The following STARD3 variants were observed in gnomAD, a reference collection of about 807,000 sequenced individuals.
STARD3 encodes stAR-related lipid transfer protein 3.
In STARD3, 39 loss-of-function variants were observed where a neutral mutation model predicts 62.0. The observed-to-expected ratio is 0.63, with a 90% CI of 0.49 to 0.82. The LOEUF is 0.82. STARD3 is among the 40% of genes least tolerant of loss of function. The pLI, the probability that STARD3 is intolerant of heterozygous loss-of-function variation, is 0.00. For missense variants in STARD3, 543 were observed against 584.5 expected, an observed-to-expected ratio of 0.93 and a Z score of 0.73; for synonymous variants, 229 against 242.4, an observed-to-expected ratio of 0.94 and a Z score of 0.51.
intron 1 of STARD3, chr17:39,651,758 C>T (rs377685160): frequency 8.5e-5 from 13 of 152,272 alleles, no homozygotes; most frequent in Admixed American, 4.6e-4. Flanking sequence ...TTAGTAGAGA[C>T]GGGTTTCACT....
rs751381330 is a variant in STARD3 at position 39,662,811 on chromosome 17, T to A, written c.1241T>A (p.Leu414Gln). The A allele has an allele frequency of 1.2e-6, 2 of 1,609,056 alleles. No individual in the cohort carries two copies. The highest frequency in any genetic ancestry group is 2.3e-5 in the East Asian group (1 of 44,172). ...CTGCCTGCCTTCCCCCAGGGCCGCC[T>A]GCCCCGGTACCTCATCCACCAGAGC... ...WILNTDLKGR[L>Q]PRYLIHQSLA... The change falls in exon 15 of 15, where the codon CTG becomes CAG. Residue 414 changes from leucine to glutamine, a missense_variant. Coordinates refer to ENST00000336308, the MANE Select transcript of STARD3 (RefSeq NM_006804.4).
In STARD3 at chr17:39,662,952, A is replaced by G. The variant is rs192495661; in HGVS notation, c.*44A>G. ...TGCGGGCCAGGGTCCTGTCGCCACC[A>G]CTTCCAGAGCCAGAAAGGGTGCCAG... On this transcript the variant is annotated 3_prime_UTR_variant, in exon 15 of 15. Transcript: ENST00000336308. The G allele has an allele frequency of 3.5e-5, 54 of 1,560,850 alleles. No homozygotes were observed. The highest frequency in any genetic ancestry group is 4.6e-5 in the Non-Finnish European group (53 of 1,148,964).
At chr17:39,653,801 C>A (rs772420354) in intron 2 of STARD3, 51 bp downstream of exon 2, 2 of 1,604,408 alleles carry the variant, frequency 1.2e-6, no homozygotes, top group East Asian at 4.5e-5. Context: ...CCACCCGGGC[C>A]TCAGTTTGTC....
In STARD3 at chr17:39,659,466, G is replaced by T. The variant is rs764396002; in HGVS notation, c.708G>T (p.Arg236=). The T allele has an allele frequency of 7.4e-6, 12 of 1,614,114 alleles. No individual in the cohort carries two copies. The highest frequency in any genetic ancestry group is 1.0e-5 in the Non-Finnish European group (12 of 1,180,018). Residue 236 remains arginine, a synonymous_variant, in exon 9 of 15, where the codon CGG becomes CGT. Coordinates refer to ENST00000336308, the MANE Select transcript of STARD3 (RefSeq NM_006804.4). ...AGKKSFSAQE[R]EYIRQGKEAT... is the part of the protein sequence containing the mutation. ...TGCCTCCTGCTTCCGTCCAGGAGCG[G>T]GAGTACATCCGCCAGGGGAAGGAGG...
intron 2 of STARD3, among the ~76,000 whole-genome samples, chr17:39,656,327 G>A (rs1238191538): frequency 2.0e-5 from 3 of 152,100 alleles, no homozygotes; most frequent in African/African-American, 7.2e-5. Context: ...CGTCACCCCC[G>A]TCATTCCAAG....
chr17:39,663,308 G>T lies in STARD3; in HGVS notation c.*400G>T, dbSNP rs888698301. The T allele has an allele frequency of 5.3e-6, 2 of 377,034 alleles. No homozygotes were observed. Among genetic ancestry groups the T allele is most frequent in the Non-Finnish European group, 4.7e-6 (1 of 212,706 alleles). 23.4% of individuals were successfully genotyped at this position (377,034 alleles called of 1,614,324 possible). A position where few individuals can be genotyped will look rare whatever the true frequency, so the allele number is the denominator to read the frequency against. On this transcript the variant is annotated 3_prime_UTR_variant, in exon 15 of 15. Coordinates refer to ENST00000336308, the MANE Select transcript of STARD3 (RefSeq NM_006804.4). ...TCTTCATCTGCCTGCGCTCTCGTCG[G>T]TTTTTTTAGGATTATTGAAAGAGTC... is the stretch of plus-strand genomic sequence containing the variant.
intron 1 of STARD3, among the ~76,000 whole-genome samples, chr17:39,647,011 C>A (rs1334264294): frequency 6.6e-6 from 1 of 152,218 alleles, no homozygotes; most frequent in African/African-American, 2.4e-5. Context: ...ACCATCCTGG[C>A]CAACATGGTG....
At chr17:39,657,934 G>A in intron 4 of STARD3, 39 bp from the exon 5 acceptor site, 1 of 1,609,528 alleles carries the variant, frequency 6.2e-7, no homozygotes, top group Non-Finnish European at 8.5e-7. Flanking sequence ...TCACTTCCCA[G>A]CCTCTGCCTT....
intron 2 of STARD3, among the ~76,000 whole-genome samples, chr17:39,656,146 G>T (rs1466924566): frequency 6.6e-6 from 1 of 151,790 alleles, no homozygotes; most frequent in African/African-American, 2.4e-5. Context: ...GGGAGCATCT[G>T]TATCTTTAAC....
At chr17:39,648,766 A>C (rs1014065859) in intron 1 of STARD3, among the ~76,000 whole-genome samples, 3 of 149,448 alleles carry the variant, frequency 2.0e-5, no homozygotes, top group Non-Finnish European at 3.0e-5. Context: ...GCATATTTCA[A>C]CTCTCCCGGG....
At chr17:39,656,869 C>T in intron 2 of STARD3, 139 bp from the exon 3 acceptor site, 3 of 732,638 alleles carry the variant, frequency 4.1e-6, no homozygotes, top group East Asian at 5.4e-5. Flanking sequence ...GCTTCCAGGG[C>T]CCCCTGGGTG....
Position 39,659,473 on chromosome 17 carries a change from A to G in STARD3, c.715A>G (p.Ile239Val), listed in dbSNP as rs140449782. The G allele has an allele frequency of 5.1e-5, 83 of 1,613,968 alleles. 1 individual carries two copies. The Middle Eastern group carries it at 6.6e-4, about 13-fold the overall frequency. ...TGCTTCCGTCCAGGAGCGGGAGTAC[A>G]TCCGCCAGGGGAAGGAGGCCACGGC... ...KSFSAQEREYIRQGKEATAVV... is the reference protein window; with the variant it reads ...KSFSAQEREYVRQGKEATAVV... Residue 239 changes from isoleucine to valine, a missense_variant, in exon 9 of 15, where the codon ATC becomes GTC. Physicochemically the swap from Ile to Val is conservative, Grantham distance 29 (BLOSUM62 3). Transcript: ENST00000336308.
chr17:39,641,425 C>T (rs1264160431), intron 1 of STARD3, among the ~76,000 whole-genome samples: 1 of 152,030 alleles, frequency 6.6e-6, no homozygotes, highest in African/African-American at 2.4e-5. Context: ...CACTGCACTC[C>T]AGTCTGGCAA....
At chr17:39,648,349 C>T (rs1176377458) in intron 1 of STARD3, among the ~76,000 whole-genome samples, 3 of 152,068 alleles carry the variant, frequency 2.0e-5, no homozygotes, top group Admixed American at 2.0e-4. Context: ...TGCCTGTGGT[C>T]CCAGTTACTC....
chr17:39,653,166 C>T (rs2057093238), intron 1 of STARD3: 2 of 336,124 alleles, frequency 6.0e-6, no homozygotes, highest in South Asian at 3.4e-5. Flanking sequence ...CTGGTAGGAG[C>T]AGGCTACAGC....
chr17:39,660,323 C>T lies in STARD3; in HGVS notation c.858+50C>T. ...GGAGCCCCAGACAGCACAGGAGGCT[C>T]CAGGAAGGTGCCGAGGGGCCCTCTG... is the stretch of plus-strand genomic sequence containing the variant. On this transcript the variant is annotated intron_variant, in intron 10 of 14. Transcript: ENST00000336308. This position sits in a 1 kb window ranked among gnomAD's most constrained non-coding sequence, Gnocchi z 4.8. 2.5e-6 allele frequency: 4 copies of T among 1,612,994 alleles called. No homozygotes were observed. Among genetic ancestry groups the T allele is most frequent in the Non-Finnish European group, 2.5e-6 (3 of 1,179,362 alleles).
chr17:39,656,034 C>T (rs1352060205), intron 2 of STARD3, among the ~76,000 whole-genome samples: 1 of 151,412 alleles, frequency 6.6e-6, no homozygotes. Flanking sequence ...GGGTGGCAGG[C>T]CTGGGGGCCT....
At chr17:39,662,188 T>C in intron 13 of STARD3, 63 bp from the exon 14 acceptor site, 2 of 1,458,256 alleles carry the variant, frequency 1.4e-6, no homozygotes, top group Non-Finnish European at 1.9e-6. Flanking sequence ...TGGTAGGGGC[T>C]GCGGGGGGGT....
At chr17:39,658,943 C>T (rs2057163238) in intron 7 of STARD3, 108 bp from the exon 8 acceptor site, 1 of 1,561,314 alleles carries the variant, frequency 6.4e-7, no homozygotes, top group Non-Finnish European at 8.8e-7. Flanking sequence ...AACCCTCTCC[C>T]ACACACTTTT....
Sources: allele counts gnomAD v4.1 joint callset (sites outside exome capture counted in the v4.1 genomes callset), GRCh38; gene constraint gnomAD v4.1.1; non-coding constraint Gnocchi (gnomAD v3.1); transcripts MANE v1.5; gene names NCBI Gene and HGNC (gene_info 2026-07-23, HGNC 2026-07-21).